The following PPP2R2B variants were observed in gnomAD, a reference collection of about 807,000 sequenced individuals.
PPP2R2B encodes protein phosphatase 2 regulatory subunit Bbeta, also known as serine/threonine-protein phosphatase 2A 55 kDa regulatory subunit B beta isoform.
PPP2R2B carries 5 observed loss-of-function variants against 46.0 expected under a neutral mutation model. The observed-to-expected ratio is 0.11, with a 90% CI of 0.06 to 0.23. The LOEUF (loss-of-function observed/expected upper bound fraction) is 0.23. Ranked by LOEUF, PPP2R2B falls within the 10% of genes least tolerant of loss-of-function variation. The pLI is 1.00. For synonymous variants in PPP2R2B, 215 were observed against 206.7 expected (o/e 1.04, Z -0.34); for missense variants, 367 against 575.0 (o/e 0.64, Z 3.70).
At chr5:146,655,087 G>A (rs759662010) in intron 5 of PPP2R2B, among the ~76,000 whole-genome samples, 8 of 152,116 alleles carry the variant, frequency 5.3e-5, no homozygotes, top group Non-Finnish European at 7.3e-5. Context: ...TCTGTGTTGA[G>A]CAGCTGGAAT....
At chr5:147,011,240 T>C (rs1754716603) in intron 1 of PPP2R2B, among the ~76,000 whole-genome samples, 1 of 152,146 alleles carries the variant, frequency 6.6e-6, no homozygotes, top group Admixed American at 6.5e-5. Context: ...CTCCATGTCT[T>C]TGCTTATAAT....
At chr5:146,776,655 C>T (rs1291099391) in intron 2 of PPP2R2B, among the ~76,000 whole-genome samples, 4 of 152,080 alleles carry the variant, frequency 2.6e-5, no homozygotes, top group African/African-American at 9.6e-5. Flanking sequence ...AATTGGACTT[C>T]ACCGAAATAA....
At chr5:146,684,643 C>A (rs1169025069) in intron 5 of PPP2R2B, among the ~76,000 whole-genome samples, 1 of 152,176 alleles carries the variant, frequency 6.6e-6, no homozygotes, top group Non-Finnish European at 1.5e-5. Flanking sequence ...AACATGAAAG[C>A]CCATCTACCC....
chr5:146,662,411 T>C (rs1776726030), intron 5 of PPP2R2B, among the ~76,000 whole-genome samples: 1 of 152,166 alleles, frequency 6.6e-6, no homozygotes, highest in South Asian at 2.1e-4. Context: ...CATTTCAGGG[T>C]TACATTGTCT....
intron 2 of PPP2R2B, among the ~76,000 whole-genome samples, chr5:146,746,754 A>C (rs1753215492): frequency 6.6e-6 from 1 of 152,224 alleles, no homozygotes; most frequent in Non-Finnish European, 1.5e-5. Context: ...GATTTTAAAA[A>C]GCAGCACATC....
intron 1 of PPP2R2B, among the ~76,000 whole-genome samples, chr5:146,914,980 C>A (rs765537275): frequency 6.6e-6 from 1 of 152,190 alleles, no homozygotes; most frequent in African/African-American, 2.4e-5. Context: ...AAAATGCACA[C>A]ATTAGAGAGC....
upstream of PPP2R2B, among the ~76,000 whole-genome samples, chr5:146,882,966 C>A (rs1762214513): frequency 6.6e-6 from 1 of 152,298 alleles, no homozygotes; most frequent in Non-Finnish European, 1.5e-5. Flanking sequence ...GGTCCCCTCC[C>A]CCAACACTCA....
intron 7 of PPP2R2B, among the ~76,000 whole-genome samples, chr5:146,624,880 C>T (rs1163784221): frequency 6.6e-6 from 1 of 152,212 alleles, no homozygotes; most frequent in Non-Finnish European, 1.5e-5. Context: ...TGCCCTGTGA[C>T]CTGCCAAGCA....
At chr5:146,758,882 C>G (rs1459154321) in intron 2 of PPP2R2B, among the ~76,000 whole-genome samples, 1 of 152,056 alleles carries the variant, frequency 6.6e-6, no homozygotes, top group Non-Finnish European at 1.5e-5. Context: ...CTCTACAGAC[C>G]CCTAGGTTTT....
chr5:146,997,034 A>G (rs1356279163), intron 1 of PPP2R2B, among the ~76,000 whole-genome samples: 1 of 152,124 alleles, frequency 6.6e-6, no homozygotes. Context: ...AAATTGGAAG[A>G]CTCAAACACG....
intron 1 of PPP2R2B, among the ~76,000 whole-genome samples, chr5:146,917,608 C>A (rs1196328947): frequency 1.3e-5 from 2 of 152,174 alleles, no homozygotes; most frequent in African/African-American, 4.8e-5. Flanking sequence ...TTGACTTGGT[C>A]CCTTCACATT....
intron 2 of PPP2R2B, among the ~76,000 whole-genome samples, chr5:146,705,862 T>C (rs1424901953): frequency 2.0e-5 from 3 of 152,012 alleles, no homozygotes; most frequent in Non-Finnish European, 4.4e-5. Flanking sequence ...AAATAATCAG[T>C]CAATAAAACA....
chr5:146,757,196 A>G (rs773222772), intron 2 of PPP2R2B, among the ~76,000 whole-genome samples: 6 of 152,132 alleles, frequency 3.9e-5, no homozygotes, highest in Non-Finnish European at 5.9e-5. Context: ...GGAGGTAGGC[A>G]GGTTGCCCAG....
At chr5:147,080,530 G>T (rs1052489107) in intron 2 of PPP2R2B, among the ~76,000 whole-genome samples, 4 of 152,126 alleles carry the variant, frequency 2.6e-5, no homozygotes, top group Admixed American at 1.3e-4. Context: ...AGTTCTTCAG[G>T]AGGAGGAAAA....
chr5:146,825,172 T>A (rs1758498482), intron 2 of PPP2R2B, among the ~76,000 whole-genome samples: 1 of 152,222 alleles, frequency 6.6e-6, no homozygotes. Context: ...AGAGCCGACG[T>A]TATCACATAG....
At chr5:146,821,090 A>T (rs2151333056) in intron 2 of PPP2R2B, among the ~76,000 whole-genome samples, 1 of 152,200 alleles carries the variant, frequency 6.6e-6, no homozygotes, top group Admixed American at 6.5e-5. Context: ...CTCACCACAC[A>T]TCACACACAA....
intron 2 of PPP2R2B, among the ~76,000 whole-genome samples, chr5:146,736,258 T>C (rs1752532096): frequency 6.6e-6 from 1 of 152,178 alleles, no homozygotes; most frequent in South Asian, 2.1e-4. Context: ...TGTGAGTCAA[T>C]TAAACCTCTT....
chr5:146,910,454 A>G (rs1312580477), intron 1 of PPP2R2B, among the ~76,000 whole-genome samples: 6 of 152,222 alleles, frequency 3.9e-5, no homozygotes, highest in Non-Finnish European at 7.3e-5. Flanking sequence ...GCACATGTAC[A>G]AACATGCAGT....
intron 2 of PPP2R2B, among the ~76,000 whole-genome samples, chr5:146,716,144 CA>C (rs996233502): frequency 4.7e-5 from 7 of 148,944 alleles, no homozygotes; most frequent in Admixed American, 6.6e-5. Flanking sequence ...AGTAGGTTTG[CA>C]AAAAACACTT....
Sources: gnomAD v4.1 joint callset for allele counts (sites outside exome capture counted in the v4.1 genomes callset) on GRCh38, gnomAD v4.1.1 for gene constraint, MANE v1.5 for transcripts, NCBI Gene and HGNC (gene_info 2026-07-23, HGNC 2026-07-21) for gene names.